The following PCDH15 variants were observed in gnomAD, a reference collection of about 807,000 sequenced individuals.
PCDH15 encodes the protein protocadherin related 15.
A neutral mutation model predicts 178.5 loss-of-function variants in PCDH15; 129 were observed. The observed-to-expected ratio is 0.72, with a 90% CI of 0.63 to 0.84. The LOEUF (loss-of-function observed/expected upper bound fraction) is 0.84, where lower values mean the gene tolerates loss of function less well. Ranked by LOEUF, PCDH15 falls within the 40% of genes least tolerant of loss-of-function variation. PCDH15 has a pLI of 0.00. For synonymous variants in PCDH15, 800 were observed against 732.0 expected, an observed-to-expected ratio of 1.09 and a Z score of -1.50; for missense variants, 2,230 against 2,099.9, an observed-to-expected ratio of 1.06 and a Z score of -1.21.
intron 1 of PCDH15, among the ~76,000 whole-genome samples, chr10:55,300,774 CT>C (rs1843254905): frequency 6.6e-6 from 1 of 152,114 alleles, no homozygotes; most frequent in Non-Finnish European, 1.5e-5. Flanking sequence ...AATGAGATAA[CT>C]GTAACTTCAA....
chr10:55,599,936 A>G (rs1379315796), intron 2 of PCDH15: 3 of 1,526,652 alleles, frequency 2.0e-6, no homozygotes, highest in Non-Finnish European at 2.6e-6. Context: ...CTTACTTTCA[A>G]CCAGTGAAAT....
rs2087849664 is a variant in PCDH15 at position 54,559,870 on chromosome 10, A to AAAAAAAAAG, written c.92-31994_92-31993insCTTTTTTTT. ...TATAGTAAAAAAAAAAAAAAAAAAA[A>AAAAAAAAAG]AAAAGAAAAGAAAAGGTGGTTTGCT... On this transcript the variant is annotated intron_variant, in intron 2 of 37. Coordinates refer to ENST00000644397, the MANE Select transcript of PCDH15 (RefSeq NM_001384140.1). 7.4e-5 allele frequency among the ~76,000 whole-genome samples: 4 copies of AAAAAAAAAG among 54,404 alleles called. No homozygotes were observed. In the South Asian group the frequency reaches 3.1e-3, roughly 42 times the overall value. 35.7% of individuals were successfully genotyped at this position (54,404 alleles called of 152,430 possible). A position where few individuals can be genotyped will look rare whatever the true frequency, so the allele number is the denominator to read the frequency against.
chr10:54,200,174 A>G (rs1285463819), intron 10 of PCDH15, among the ~76,000 whole-genome samples: 1 of 152,060 alleles, frequency 6.6e-6, no homozygotes, highest in African/African-American at 2.4e-5. Context: ...ACAATGGTAA[A>G]GCTTATCAAA....
At chr10:55,080,894 C>A (rs533228566) in intron 2 of PCDH15, among the ~76,000 whole-genome samples, 1 of 152,268 alleles carries the variant, frequency 6.6e-6, no homozygotes, top group South Asian at 2.1e-4. Flanking sequence ...TTGCCCACCT[C>A]CACTCCCAGT....
At chr10:54,146,614 A>G (rs2043927717) in intron 14 of PCDH15, among the ~76,000 whole-genome samples, 1 of 151,768 alleles carries the variant, frequency 6.6e-6, no homozygotes, top group Non-Finnish European at 1.5e-5. Flanking sequence ...CAAAACACTA[A>G]ACTATGTACT....
intron 2 of PCDH15, among the ~76,000 whole-genome samples, chr10:54,990,940 C>T (rs959079256): frequency 1.3e-5 from 2 of 149,138 alleles, no homozygotes; most frequent in African/African-American, 5.0e-5. Context: ...TATGGCAATT[C>T]AAATCTTCCC....
chr10:54,213,806 C>A, intron 10 of PCDH15, 130 bp downstream of exon 10: 4 of 599,140 alleles, frequency 6.7e-6, no homozygotes, highest in Non-Finnish European at 5.9e-6. Context: ...TTCTTTTTAA[C>A]AAAAAATTGA....
At chr10:54,796,233 T>TCTAG (rs1564480867) in intron 1 of PCDH15, among the ~76,000 whole-genome samples, 1 of 88,924 alleles carries the variant, frequency 1.1e-5, no homozygotes, top group Non-Finnish European at 2.2e-5. Context: ...TATCTATCTA[T>TCTAG]CTATCTATCT....
At chr10:55,135,175 T>C (rs1278477831) in intron 2 of PCDH15, among the ~76,000 whole-genome samples, 2 of 152,160 alleles carry the variant, frequency 1.3e-5, no homozygotes, top group Non-Finnish European at 2.9e-5. Context: ...AATTGTGTAA[T>C]TTGAGTCTAT....
At chr10:53,814,317 A>C (rs2075982797) in intron 35 of PCDH15, among the ~76,000 whole-genome samples, 1 of 152,198 alleles carries the variant, frequency 6.6e-6, no homozygotes, top group Non-Finnish European at 1.5e-5. Context: ...TTTCAAGTAA[A>C]TATTTATGGA....
Position 54,774,007 on chromosome 10 carries a change from C to CTTTTTTT in PCDH15, c.-29+26911_-29+26917dup, listed in dbSNP as rs763704132. Among the ~76,000 whole-genome samples the CTTTTTTT allele has an allele frequency of 1.4e-3, 105 of 75,380 alleles. 23 individuals carry two copies. The highest frequency in any genetic ancestry group is 1.8e-3 in the Non-Finnish European group (69 of 39,282). 49.5% of individuals were successfully genotyped at this position (75,380 alleles called of 152,430 possible). A position where few individuals can be genotyped will look rare whatever the true frequency, so the allele number is the denominator to read the frequency against. ...TAGATGAACTGGCATACTTCATAGG[C>CTTTTTTT]TTTTTTTTTTTTTTTTTTTTTTTTT... On this transcript the variant is annotated intron_variant, in intron 1 of 37. Coordinates refer to ENST00000644397, the MANE Select transcript of PCDH15 (RefSeq NM_001384140.1).
intron 1 of PCDH15, among the ~76,000 whole-genome samples, chr10:55,171,918 A>C (rs1196369612): frequency 6.6e-6 from 1 of 152,082 alleles, no homozygotes; most frequent in Non-Finnish European, 1.5e-5. Context: ...AAAAGAAAAA[A>C]AAAATCAATG....
At chr10:53,973,481 C>T (rs35858264) in intron 21 of PCDH15, among the ~76,000 whole-genome samples, 16,349 of 151,866 alleles carry the variant, frequency 0.11, 915 homozygotes, top group Non-Finnish European at 0.12. Flanking sequence ...TTTAAAATTG[C>T]GTTACTACGG....
chr10:55,330,090 A>G (rs1444819412), intron 2 of PCDH15, among the ~76,000 whole-genome samples: 1 of 151,872 alleles, frequency 6.6e-6, no homozygotes, highest in African/African-American at 2.4e-5. Context: ...ATCCTAAAAT[A>G]TAATTTAAAA....
At chr10:54,515,888 G>A (rs965784020) in intron 3 of PCDH15, among the ~76,000 whole-genome samples, 4 of 152,196 alleles carry the variant, frequency 2.6e-5, no homozygotes, top group African/African-American at 4.8e-5. Context: ...GGCAAACAGG[G>A]TCTGGAGGGG....
chr10:54,391,038 T>C (rs931247315), intron 3 of PCDH15, among the ~76,000 whole-genome samples: 1 of 152,182 alleles, frequency 6.6e-6, no homozygotes, highest in Non-Finnish European at 1.5e-5. Flanking sequence ...CCTGATGACC[T>C]TCTGTTTCCC....
At chr10:55,469,814 T>G (rs1274252775) in intron 2 of PCDH15, among the ~76,000 whole-genome samples, 1 of 152,058 alleles carries the variant, frequency 6.6e-6, no homozygotes, top group African/African-American at 2.4e-5. Flanking sequence ...TCTCAAAATT[T>G]TAATAATGTT....
intron 2 of PCDH15, among the ~76,000 whole-genome samples, chr10:55,011,775 C>T (rs1443845738): frequency 2.0e-5 from 3 of 150,712 alleles, no homozygotes; most frequent in Admixed American, 6.6e-5. Context: ...TTTTAAACAT[C>T]GAAATGAAAA....
intron 2 of PCDH15, among the ~76,000 whole-genome samples, chr10:54,954,284 C>G (rs1463034322): frequency 6.6e-6 from 1 of 151,248 alleles, no homozygotes; most frequent in Non-Finnish European, 1.5e-5. Context: ...AGAGTCTCAT[C>G]TATCAGGAAA....
Sources: allele counts gnomAD v4.1 joint callset (sites outside exome capture counted in the v4.1 genomes callset), GRCh38; gene constraint gnomAD v4.1.1; transcripts MANE v1.5; gene names NCBI Gene and HGNC (gene_info 2026-07-23, HGNC 2026-07-21).